OPHN1: variants seen among roughly 807,000 people sequenced by gnomAD.
The protein encoded by OPHN1 is oligophrenin 1, also known as oligophrenin-1.
OPHN1 carries 11 observed loss-of-function variants against 60.7 expected under a neutral mutation model. That is an observed-to-expected ratio of 0.18 (90% CI 0.11 to 0.30). The LOEUF (loss-of-function observed/expected upper bound fraction) is 0.30. Among genes scored for constraint, OPHN1 ranks in the 10% least tolerant of loss-of-function variants. The probability of loss-of-function intolerance (pLI) is 1.00; values close to 1 mark genes in which losing one functional copy is unlikely to be tolerated. For synonymous variants in OPHN1, 226 were observed against 222.6 expected, an observed-to-expected ratio of 1.02 and a Z score of -0.14; for missense variants, 449 against 611.0, an observed-to-expected ratio of 0.73 and a Z score of 2.80.
intron 6 of OPHN1, among the ~76,000 whole-genome samples, chrX:68,225,619 G>C (rs1457950126): frequency 1.8e-5 from 2 of 112,224 alleles, no homozygotes; most frequent in Non-Finnish European, 3.8e-5. Context: ...AGGATCTGCA[G>C]TGGACCTCTA....
At chrX:68,254,225 C>A (rs963592477) in intron 5 of OPHN1, among the ~76,000 whole-genome samples, 2 of 111,276 alleles carry the variant, frequency 1.8e-5, no homozygotes, top group African/African-American at 3.3e-5. Flanking sequence ...AGTATTATTC[C>A]TTGCTCTGCC....
At chrX:68,411,099 C>A (rs935990721) in intron 2 of OPHN1, among the ~76,000 whole-genome samples, 2 of 107,903 alleles carry the variant, frequency 1.9e-5, no homozygotes, top group African/African-American at 6.7e-5. Context: ...AGGAATCATA[C>A]AAAATATAAG....
chrX:68,095,875 G>T (rs765110083), intron 19 of OPHN1, among the ~76,000 whole-genome samples: 1 of 111,777 alleles, frequency 8.9e-6, no homozygotes, highest in Non-Finnish European at 1.9e-5. Context: ...ATCATTTTCT[G>T]ACTCTACCTT....
At chrX:68,197,163 T>G in intron 12 of OPHN1, 23 bp downstream of exon 12, 1 of 1,151,591 alleles carries the variant, frequency 8.7e-7, no homozygotes, top group African/African-American at 1.8e-5. Flanking sequence ...CTGGGGAGGT[T>G]TCCCCAGTGT....
intron 15 of OPHN1, among the ~76,000 whole-genome samples, chrX:68,144,694 A>C (rs896328397): frequency 8.9e-6 from 1 of 111,931 alleles, no homozygotes; most frequent in African/African-American, 3.2e-5. Flanking sequence ...TTGGAATAAC[A>C]CCACATTCCA....
chrX:68,380,879 A>G (rs2078592971), intron 2 of OPHN1, among the ~76,000 whole-genome samples: 1 of 111,770 alleles, frequency 8.9e-6, no homozygotes, highest in Admixed American at 9.6e-5. Context: ...AATAATCTTG[A>G]TAACACTTGT....
chrX:68,232,791 G>A (rs762486245), intron 6 of OPHN1, among the ~76,000 whole-genome samples: 2 of 110,807 alleles, frequency 1.8e-5, no homozygotes, highest in South Asian at 3.9e-4. Context: ...CATAGAAACC[G>A]CGACACAGAA....
At chrX:68,305,349 CAGAG>C (rs1712032604) in intron 2 of OPHN1, among the ~76,000 whole-genome samples, 1 of 112,354 alleles carries the variant, frequency 8.9e-6, no homozygotes, top group Non-Finnish European at 1.9e-5. Flanking sequence ...GCCTGAGTAA[CAGAG>C]AGAGACCCCA....
chrX:68,212,276 C>T, intron 7 of OPHN1, 64 bp from the exon 8 acceptor site: 16 of 801,090 alleles, frequency 2.0e-5, no homozygotes, highest in Non-Finnish European at 2.9e-5. Context: ...ATAAAAGAAA[C>T]ATGAACTCAC....
At chrX:68,195,070 G>A (rs1693787662) in intron 12 of OPHN1, among the ~76,000 whole-genome samples, 1 of 99,474 alleles carries the variant, frequency 1.0e-5, no homozygotes, top group African/African-American at 4.8e-5. Flanking sequence ...AAGGAAGAAA[G>A]AAAGAAAATA....
At chrX:68,218,432 C>G (rs1245878230) in intron 6 of OPHN1, among the ~76,000 whole-genome samples, 31 of 102,974 alleles carry the variant, frequency 3.0e-4, no homozygotes, top group Non-Finnish European at 4.7e-4. Flanking sequence ...CAGAGAACGC[C>G]ACAAAGATAC....
At chrX:68,193,677 A>G (rs2077498527) in intron 14 of OPHN1, among the ~76,000 whole-genome samples, 1 of 112,042 alleles carries the variant, frequency 8.9e-6, no homozygotes, top group South Asian at 3.8e-4. Flanking sequence ...AATACTTTAT[A>G]AACTTATAAG....
intron 15 of OPHN1, among the ~76,000 whole-genome samples, chrX:68,159,592 C>G (rs1318397752): frequency 8.9e-6 from 1 of 111,732 alleles, no homozygotes; most frequent in Non-Finnish European, 1.9e-5. Context: ...GACAAAAAAA[C>G]TATCAAAAGT....
At chrX:68,268,496 A>G (rs1364834645) in intron 5 of OPHN1, among the ~76,000 whole-genome samples, 4 of 112,008 alleles carry the variant, frequency 3.6e-5, no homozygotes, top group East Asian at 2.8e-4. Context: ...AAACCATATG[A>G]TTATCTCAAT....
intron 2 of OPHN1, among the ~76,000 whole-genome samples, chrX:68,300,273 AC>A (rs1020264317): frequency 8.9e-6 from 1 of 112,104 alleles, no homozygotes. Context: ...GCAAGCAACC[AC>A]ACTGAGTCCT....
intron 6 of OPHN1, 150 bp downstream of exon 6, chrX:68,234,337 G>A (rs952779115): frequency 1.2e-5 from 6 of 505,564 alleles, no homozygotes; most frequent in African/African-American, 1.2e-4. Context: ...GGGCTTCTGA[G>A]TCTCAGGCCA....
At chrX:68,380,469 T>A (rs1386579040) in intron 2 of OPHN1, among the ~76,000 whole-genome samples, 1 of 111,618 alleles carries the variant, frequency 9.0e-6, no homozygotes, top group African/African-American at 3.3e-5. Flanking sequence ...TGCCTTCTGC[T>A]AGCTTTTGAA....
intron 12 of OPHN1, among the ~76,000 whole-genome samples, chrX:68,196,339 T>C (rs958713105): frequency 8.9e-6 from 1 of 112,222 alleles, no homozygotes; most frequent in Non-Finnish European, 1.9e-5. Flanking sequence ...GTTTACAAGA[T>C]GACTTCCATC....
chrX:68,400,174 C>T (rs1345456111), intron 2 of OPHN1, among the ~76,000 whole-genome samples: 1 of 111,675 alleles, frequency 9.0e-6, no homozygotes, highest in Non-Finnish European at 1.9e-5. Flanking sequence ...TGTATCTGGG[C>T]CCTTGAGCCA....
Sources: gnomAD v4.1 joint callset for allele counts (sites outside exome capture counted in the v4.1 genomes callset) on GRCh38, gnomAD v4.1.1 for gene constraint, MANE v1.5 for transcripts, NCBI Gene and HGNC (gene_info 2026-07-23, HGNC 2026-07-21) for gene names.